Variants in MCTP1 observed in about 807,000 individuals in gnomAD.
MCTP1 encodes multiple C2 and transmembrane domain containing 1.
MCTP1 carries 69 observed loss-of-function variants against 120.6 expected under a neutral mutation model. That is an observed-to-expected ratio of 0.57 (90% CI 0.47 to 0.70). The LOEUF (loss-of-function observed/expected upper bound fraction) is 0.70. Ranked by LOEUF, MCTP1 falls within the 30% of genes least tolerant of loss-of-function variation. MCTP1 has a pLI of 0.00. For synonymous variants in MCTP1, 529 were observed against 493.1 expected (o/e 1.07, Z -0.96); for missense variants, 1,203 against 1,248.8 (o/e 0.96, Z 0.55).
At chr5:94,715,804 A>G (rs1476298237) in intron 19 of MCTP1, among the ~76,000 whole-genome samples, 2 of 152,248 alleles carry the variant, frequency 1.3e-5, no homozygotes, top group Non-Finnish European at 1.5e-5. Flanking sequence ...CTATGACTCC[A>G]TTCCTCCATG....
intron 5 of MCTP1, among the ~76,000 whole-genome samples, chr5:94,938,421 T>G (rs746969292): frequency 6.6e-6 from 1 of 152,046 alleles, no homozygotes; most frequent in Admixed American, 6.6e-5. Context: ...TCTTGTCACA[T>G]GGCCTTTGTG....
chr5:94,804,569 G>C (rs1201976531), intron 17 of MCTP1, among the ~76,000 whole-genome samples: 1 of 152,028 alleles, frequency 6.6e-6, no homozygotes, highest in Admixed American at 6.6e-5. Flanking sequence ...CTCCCGAGTA[G>C]CTGGGACTAC....
At chr5:95,004,059 G>A (rs992646747) in intron 2 of MCTP1, among the ~76,000 whole-genome samples, 1 of 152,196 alleles carries the variant, frequency 6.6e-6, no homozygotes, top group African/African-American at 2.4e-5. Context: ...AGATGAAGGT[G>A]AGAAACTCAT....
chr5:94,789,049 C>T (rs255349), intron 18 of MCTP1: 112,285 of 152,052 alleles, frequency 0.74, 42,533 homozygotes, highest in Middle Eastern at 0.84. Flanking sequence ...AAATCAACCA[C>T]TTATGGGAGC....
At chr5:94,973,699 A>G (rs1330588369) in intron 2 of MCTP1, among the ~76,000 whole-genome samples, 1 of 152,160 alleles carries the variant, frequency 6.6e-6, no homozygotes, top group Non-Finnish European at 1.5e-5. Context: ...TTCTGCAACA[A>G]ATAAAATTGC....
chr5:94,849,332 A>C (rs1793160704), intron 17 of MCTP1, among the ~76,000 whole-genome samples: 1 of 152,212 alleles, frequency 6.6e-6, no homozygotes, highest in Non-Finnish European at 1.5e-5. Context: ...TTAATAGAAC[A>C]AAACAGATAC....
chr5:95,227,087 G>C (rs964209612), intron 1 of MCTP1, among the ~76,000 whole-genome samples: 10 of 152,206 alleles, frequency 6.6e-5, no homozygotes, highest in Middle Eastern at 3.4e-3. Context: ...GGAGGCCACC[G>C]AGGCAGAATT....
chr5:94,988,947 AT>A (rs1210519442), intron 2 of MCTP1, among the ~76,000 whole-genome samples: 1 of 152,074 alleles, frequency 6.6e-6, no homozygotes, highest in African/African-American at 2.4e-5. Flanking sequence ...TGAGAACTGG[AT>A]GGGGGAAACC....
intron 17 of MCTP1, among the ~76,000 whole-genome samples, chr5:94,805,536 G>A (rs1782091899): frequency 6.6e-6 from 1 of 152,080 alleles, no homozygotes; most frequent in Non-Finnish European, 1.5e-5. Flanking sequence ...GTTGAGGCAG[G>A]AGGAACTCTT....
intron 1 of MCTP1, among the ~76,000 whole-genome samples, chr5:95,271,777 T>A (rs1036047102): frequency 2.0e-5 from 3 of 151,884 alleles, no homozygotes; most frequent in African/African-American, 4.8e-5. Flanking sequence ...TTTTTATATA[T>A]GGCACTCCAT....
At chr5:95,109,362 A>G (rs1757302186) in intron 1 of MCTP1, among the ~76,000 whole-genome samples, 1 of 152,198 alleles carries the variant, frequency 6.6e-6, no homozygotes, top group African/African-American at 2.4e-5. Flanking sequence ...CTATTCTCAG[A>G]TTTACTTAGA....
intron 17 of MCTP1, among the ~76,000 whole-genome samples, chr5:94,831,199 C>G (rs17084123): frequency 0.058 from 8,774 of 152,172 alleles, 519 homozygotes; most frequent in African/African-American, 0.15. Flanking sequence ...AGTTGATAAG[C>G]AGAAATGCCA....
chr5:95,132,898 C>A (rs1460569353), intron 1 of MCTP1, among the ~76,000 whole-genome samples: 1 of 152,100 alleles, frequency 6.6e-6, no homozygotes, highest in Non-Finnish European at 1.5e-5. Flanking sequence ...CACCATAGTC[C>A]CTCAAGTTCC....
At chr5:94,820,275 C>T (rs1470127199) in intron 17 of MCTP1, among the ~76,000 whole-genome samples, 2 of 152,140 alleles carry the variant, frequency 1.3e-5, no homozygotes, top group Non-Finnish European at 2.9e-5. Flanking sequence ...TTGGCAGATG[C>T]TCTGAAGCAC....
intron 1 of MCTP1, among the ~76,000 whole-genome samples, chr5:95,196,692 GA>G (rs1295470224): frequency 3.3e-5 from 5 of 152,190 alleles, no homozygotes; most frequent in African/African-American, 1.2e-4. Flanking sequence ...GCCTTAACAG[GA>G]GCAGTTTGGT....
intron 3 of MCTP1, among the ~76,000 whole-genome samples, chr5:94,951,868 A>G (rs985047562): frequency 2.0e-5 from 3 of 152,108 alleles, no homozygotes; most frequent in East Asian, 3.8e-4. Context: ...GTAGTTAAAG[A>G]CAGTTCAAAA....
At chr5:94,894,263 C>G (rs1803370620) in intron 11 of MCTP1, among the ~76,000 whole-genome samples, 1 of 152,168 alleles carries the variant, frequency 6.6e-6, no homozygotes, top group Non-Finnish European at 1.5e-5. Flanking sequence ...AACGTAAGTA[C>G]CATTAACTCC....
Position 94,726,964 on chromosome 5 carries a change from CTT to C in MCTP1, c.2611-12080_2611-12079del, listed in dbSNP as rs545840020. Among the ~76,000 whole-genome samples, 8 of 152,272 alleles carry C rather than the reference CTT, an allele frequency of 5.3e-5. No individual in the cohort carries two copies. The South Asian group carries it at 1.7e-3, about 32-fold the overall frequency. ...ATATTAGTATTAGAAAAACAATGCT[CTT>C]TGTGACATCTCCACAACCAAGTAAG... is the stretch of plus-strand genomic sequence containing the variant. On this transcript the variant is annotated intron_variant, in intron 19 of 22. Transcript: ENST00000515393.
At chr5:94,920,811 C>T (rs1472715649) in intron 7 of MCTP1, among the ~76,000 whole-genome samples, 2 of 151,464 alleles carry the variant, frequency 1.3e-5, no homozygotes, top group South Asian at 4.2e-4. Flanking sequence ...AACTCTTCTC[C>T]TTAACCTTCA....
Sources: gnomAD v4.1 joint callset for allele counts (sites outside exome capture counted in the v4.1 genomes callset) on GRCh38, gnomAD v4.1.1 for gene constraint, MANE v1.5 for transcripts, NCBI Gene and HGNC (gene_info 2026-07-23, HGNC 2026-07-21) for gene names.